The following MCFD2 variants were observed in gnomAD, a reference collection of about 807,000 sequenced individuals.
MCFD2 encodes the protein multiple coagulation factor deficiency protein 2.
A neutral mutation model predicts 12.8 loss-of-function variants in MCFD2; 11 were observed. The observed-to-expected ratio is 0.86, with a 90% CI of 0.54 to 1.42. The LOEUF is 1.42. Ranked by LOEUF, MCFD2 falls within the 40% of genes most tolerant of loss-of-function variation. The pLI, the probability that MCFD2 is intolerant of heterozygous loss-of-function variation, is 0.00. For missense variants in MCFD2, 191 were observed against 178.6 expected (o/e 1.07, Z -0.40); for synonymous variants, 70 against 68.1 (o/e 1.03, Z -0.14).
chr2:46,915,806 G>GGGGGGGGGGGGGGGCC, upstream of MCFD2: 9 of 512,576 alleles, frequency 1.8e-5, no homozygotes, highest in Non-Finnish European at 1.7e-5. Flanking sequence ...CCTCGGCTTC[G>GGGGGGGGGGGGGGGCC]CCCCGCCCCC....
At chr2:46,927,155 A>G (rs906440585) in intron 1 of MCFD2, among the ~76,000 whole-genome samples, 1 of 152,066 alleles carries the variant, frequency 6.6e-6, no homozygotes, top group Non-Finnish European at 1.5e-5. Flanking sequence ...ACAGGAGGAG[A>G]GGAGAGAATG....
rs1008543293 is a variant in MCFD2 at position 46,901,994 on chromosome 2, C to G, written c.*3469G>C. On this transcript the variant is annotated 3_prime_UTR_variant, in exon 4 of 4. Coordinates refer to ENST00000319466, the MANE Select transcript of MCFD2 (RefSeq NM_139279.6). The surrounding 1 kb of genome is among the most constrained non-coding windows in gnomAD (Gnocchi z 4.3). ...GCTCTGACTGCACAAATACTTGACACAGGAAACCATTTTTACAAATACATA... is the reference window on the plus strand; with the variant it reads ...GCTCTGACTGCACAAATACTTGACAGAGGAAACCATTTTTACAAATACATA... 6.5e-6 allele frequency: 1 copy of G among 152,672 alleles called. No homozygotes were observed. Among genetic ancestry groups the G allele is most frequent in the African/African-American group, 2.4e-5 (1 of 41,460 alleles). 9.5% of individuals were successfully genotyped at this position (152,672 alleles called of 1,614,324 possible).
In MCFD2 at chr2:46,907,745, G is replaced by A. The variant is rs897016968; in HGVS notation, c.309+65C>T. 6.5e-7 allele frequency: 1 copy of A among 1,544,920 alleles called. No individual in the cohort carries two copies. The highest frequency in any genetic ancestry group is 1.4e-5 in the African/African-American group (1 of 73,700). On this transcript the variant is annotated intron_variant, in intron 3 of 3. Coordinates refer to ENST00000319466, the MANE Select transcript of MCFD2 (RefSeq NM_139279.6). This position sits in a 1 kb window ranked among gnomAD's most constrained non-coding sequence, Gnocchi z 4.1. The stretch of plus-strand genomic sequence containing the variant: ...AAGGACAACACAAGTCAACAAGACT[G>A]GGGACCAAATTAACAAAGGGAAGCC...
chr2:46,905,574 T>A lies in MCFD2; in HGVS notation c.330A>T (p.Pro110=). The part of the protein sequence containing the change: ...VHKEEGSEQA[P]LMSEDELINI... ...TAATCAGTTCATCTTCACTCATTAGTGGTGCCTGTTCACTCCCTTCCTACA... is the reference window on the plus strand; with the variant it reads ...TAATCAGTTCATCTTCACTCATTAGAGGTGCCTGTTCACTCCCTTCCTACA... Residue 110 remains proline, a synonymous_variant, in exon 4 of 4, where the codon CCA becomes CCT. Coordinates refer to ENST00000319466, the MANE Select transcript of MCFD2 (RefSeq NM_139279.6). The A allele has an allele frequency of 6.2e-7, 1 of 1,613,716 alleles. No homozygotes were observed. The highest frequency in any genetic ancestry group is 1.7e-5 in the Admixed American group (1 of 59,994).
At chr2:46,931,334 C>G (rs1415319153) in intron 1 of MCFD2, among the ~76,000 whole-genome samples, 1 of 152,248 alleles carries the variant, frequency 6.6e-6, no homozygotes, top group Non-Finnish European at 1.5e-5. Context: ...AATCCTCTCG[C>G]CTCAGCTTCT....
At chr2:46,927,293 C>A (rs1289511618) in intron 1 of MCFD2, among the ~76,000 whole-genome samples, 1 of 147,000 alleles carries the variant, frequency 6.8e-6, no homozygotes. Context: ...AAGCTAAGCA[C>A]ATTAAAATAA....
chr2:46,908,063 C>T lies in MCFD2; in HGVS notation c.150-94G>A, dbSNP rs558969038. Reference sequence around the variant, plus strand: ...TGAAAAGTTCAAGATCTTAAACTTCCTCCAGCTCAGAAAAACAAACACCAG... The same window carrying T: ...TGAAAAGTTCAAGATCTTAAACTTCTTCCAGCTCAGAAAAACAAACACCAG... On this transcript the variant is annotated intron_variant, in intron 2 of 3. Transcript: ENST00000319466. The surrounding 1 kb of genome is among the most constrained non-coding windows in gnomAD (Gnocchi z 4.5). 4 of 1,406,878 alleles carry T rather than the reference C, an allele frequency of 2.8e-6. No homozygotes were observed. The highest frequency in any genetic ancestry group is 1.4e-5 in the African/African-American group (1 of 71,224). 87.1% of individuals were successfully genotyped at this position (1,406,878 alleles called of 1,614,324 possible).
At chr2:46,929,787 T>C (rs1221710317) in intron 1 of MCFD2, among the ~76,000 whole-genome samples, 1 of 152,202 alleles carries the variant, frequency 6.6e-6, no homozygotes, top group Non-Finnish European at 1.5e-5. Flanking sequence ...TCTCTGGGCA[T>C]TGGTATTAGG....
At chr2:46,914,495 T>C (rs1383923963) in intron 1 of MCFD2, among the ~76,000 whole-genome samples, 1 of 152,206 alleles carries the variant, frequency 6.6e-6, no homozygotes, top group East Asian at 1.9e-4. Context: ...GACTGAGGGT[T>C]GAGAATTGGT....
intron 3 of MCFD2, chr2:46,905,944 G>A (rs1268171574): frequency 4.2e-6 from 2 of 478,384 alleles, no homozygotes; most frequent in Non-Finnish European, 8.6e-6. Flanking sequence ...TTGGAAAAGT[G>A]CCAGTCCTCC....
At chr2:46,922,573 T>C (rs748583561) in intron 1 of MCFD2, among the ~76,000 whole-genome samples, 7 of 152,300 alleles carry the variant, frequency 4.6e-5, no homozygotes, top group African/African-American at 9.6e-5. Context: ...GGCCAAGATA[T>C]ACAGCTTTAC....
rs142751547 is a variant in MCFD2 at position 46,939,742 on chromosome 2, C to T, written c.-8+1830G>A. ...CAAATCACAGTGTGTTCTCGGGTCA[C>T]CCTAATCCAACCGCTCTCTCCAAGT... On this transcript the variant is annotated intron_variant, in intron 1 of 2. Coordinates refer to the MCFD2 transcript ENST00000409147. Among the ~76,000 whole-genome samples the T allele has an allele frequency of 2.6e-3, 389 of 152,336 alleles. 1 individual carries two copies. The highest frequency in any genetic ancestry group is 4.2e-3 in the Non-Finnish European group (283 of 68,034).
At position 46,908,560 on chromosome 2, in the gene MCFD2, A is replaced by G. The variant is rs776887018; in HGVS notation, c.149+463T>C. The G allele has an allele frequency of 3.7e-6, 1 of 273,652 alleles. No homozygotes were observed. Among genetic ancestry groups the G allele is most frequent in the Non-Finnish European group, 7.1e-6 (1 of 140,956 alleles). 17.0% of individuals were successfully genotyped at this position (273,652 alleles called of 1,614,324 possible). A position where few individuals can be genotyped will look rare whatever the true frequency, so the allele number is the denominator to read the frequency against. ...ATTACAGGTGTGAGCCACTGCACCCAGCCTTAAAAACAAAGGATAACCGAG... is the reference window on the plus strand; with the variant it reads ...ATTACAGGTGTGAGCCACTGCACCCGGCCTTAAAAACAAAGGATAACCGAG... On this transcript the variant is annotated intron_variant, in intron 2 of 3. Coordinates refer to ENST00000319466, the MANE Select transcript of MCFD2 (RefSeq NM_139279.6). The surrounding 1 kb of genome is among the most constrained non-coding windows in gnomAD (Gnocchi z 4.5).
chr2:46,922,132 G>T (rs11684448), intron 1 of MCFD2, among the ~76,000 whole-genome samples: 3,938 of 152,198 alleles, frequency 0.026, 83 homozygotes, highest in Non-Finnish European at 0.043. Flanking sequence ...GAGCAGGCTG[G>T]CTAGGGTCAT....
rs1363844184 is a variant in MCFD2 at position 46,904,130 on chromosome 2, T to G, written c.*1333A>C. 1 of 152,242 alleles carries G rather than the reference T, an allele frequency of 6.6e-6. No homozygotes were observed. The highest frequency in any genetic ancestry group is 2.1e-4 in the South Asian group (1 of 4,838). 9.4% of individuals were successfully genotyped at this position (152,242 alleles called of 1,614,324 possible). ...CCTGCAGGTGCACAGAAGTCAAGAATTGAGATTTGGAAACCTCCGCCTAGT... is the reference window on the plus strand; with the variant it reads ...CCTGCAGGTGCACAGAAGTCAAGAAGTGAGATTTGGAAACCTCCGCCTAGT... On this transcript the variant is annotated 3_prime_UTR_variant, in exon 4 of 4. Transcript: ENST00000319466.
intron 1 of MCFD2, among the ~76,000 whole-genome samples, chr2:46,910,399 CAG>C (rs1344805763): frequency 3.3e-5 from 5 of 152,168 alleles, no homozygotes; most frequent in Admixed American, 3.3e-4. Context: ...ACAGGCAAAA[CAG>C]ATTCTGCTAG....
chr2:46,917,102 C>T (rs1027767486), upstream of MCFD2: 3 of 688,488 alleles, frequency 4.4e-6, no homozygotes, highest in Admixed American at 2.1e-5. Flanking sequence ...TTCCTTTTCC[C>T]ACCTTCATCT....
upstream of MCFD2, among the ~76,000 whole-genome samples, chr2:46,919,234 A>T (rs564812245): frequency 6.6e-6 from 1 of 152,352 alleles, no homozygotes; most frequent in East Asian, 1.9e-4. Flanking sequence ...GAATAAAAAC[A>T]ATTTAAAGAC....
At position 46,905,490 on chromosome 2, in the gene MCFD2, A is replaced by G. The variant is rs759410479; in HGVS notation, c.414T>C (p.Tyr138=). Residue 138 remains tyrosine (Y), a synonymous_variant, in exon 4 of 4, where the codon TAT becomes TAC. Coordinates refer to ENST00000319466, the MANE Select transcript of MCFD2 (RefSeq NM_139279.6). ...DDKNNDGYID[Y]AEFAKSLQ ...ACTGCAGTGATTTTGCAAATTCAGC[A>G]TAGTCAATGTATCCATCATTGTTCT... The G allele has an allele frequency of 3.7e-6, 6 of 1,612,928 alleles. No homozygotes were observed. Among genetic ancestry groups the G allele is most frequent in the African/African-American group, 1.3e-5 (1 of 74,904 alleles).
Sources: allele counts gnomAD v4.1 joint callset (sites outside exome capture counted in the v4.1 genomes callset), GRCh38; gene constraint gnomAD v4.1.1; non-coding constraint Gnocchi (gnomAD v3.1); transcripts MANE v1.5; gene names NCBI Gene and HGNC (gene_info 2026-07-23, HGNC 2026-07-21).